The following WDR3 variants were observed in gnomAD, a reference collection of about 807,000 sequenced individuals.
WDR3 encodes WD repeat-containing protein 3.
In WDR3, 81 loss-of-function variants were observed where a neutral mutation model predicts 123.7. That is an observed-to-expected ratio of 0.65 (90% CI 0.55 to 0.79). The LOEUF (loss-of-function observed/expected upper bound fraction) is 0.79, where lower values mean the gene tolerates loss of function less well. Ranked by LOEUF, WDR3 falls within the 30% of genes least tolerant of loss-of-function variation. The pLI, the probability that WDR3 is intolerant of heterozygous loss-of-function variation, is 0.00. For synonymous variants in WDR3, 390 were observed against 388.8 expected (o/e 1.00, Z -0.04); for missense variants, 1,027 against 1,123.2 (o/e 0.91, Z 1.22).
At chr1:117,948,847 T>TG (rs1651502591) in intron 13 of WDR3, among the ~76,000 whole-genome samples, 1 of 152,194 alleles carries the variant, frequency 6.6e-6, no homozygotes, top group Non-Finnish European at 1.5e-5. Context: ...CAAACATCTA[T>TG]GACTGTATAA....
chr1:117,943,775 A>G, intron 11 of WDR3, 149 bp downstream of exon 11: 2 of 718,180 alleles, frequency 2.8e-6, no homozygotes, highest in Non-Finnish European at 4.4e-6. Context: ...GAGCTTAGAG[A>G]AGAAAAAGTT....
intron 4 of WDR3, among the ~76,000 whole-genome samples, chr1:117,938,099 G>C (rs1386397966): frequency 1.3e-5 from 2 of 152,188 alleles, no homozygotes; most frequent in African/African-American, 4.8e-5. Flanking sequence ...TTCAGGACAA[G>C]AGACTAACTG....
rs2101372978 is a variant in WDR3 at position 117,961,770 on chromosome 1, A to G, written c.*2323A>G. The G allele has an allele frequency of 6.6e-6, 1 of 152,454 alleles. No homozygotes were observed. The highest frequency in any genetic ancestry group is 1.5e-5 in the Non-Finnish European group (1 of 68,030). 9.4% of individuals were successfully genotyped at this position (152,454 alleles called of 1,614,324 possible). A position where few individuals can be genotyped will look rare whatever the true frequency, so the allele number is the denominator to read the frequency against. ...TTTGTTGGGCAGAATAAATAAGTGA[A>G]TTTTGGCATAGAGTTTCTGAAGGCA... On this transcript the variant is annotated 3_prime_UTR_variant, in exon 27 of 27. Transcript: ENST00000349139.
chr1:117,949,658 A>G (rs1651530134), intron 13 of WDR3, 93 bp from the exon 14 acceptor site: 2 of 1,399,728 alleles, frequency 1.4e-6, no homozygotes, highest in Admixed American at 4.5e-5. Context: ...ATGACGTTAA[A>G]TAAAAATACT....
intron 16 of WDR3, 93 bp from the exon 17 acceptor site, chr1:117,951,883 G>T: frequency 8.2e-7 from 1 of 1,218,704 alleles, no homozygotes; most frequent in East Asian, 2.4e-5. Flanking sequence ...ATTTTAATGT[G>T]TTTGAAAGAA....
intron 11 of WDR3, 35 bp from the exon 12 acceptor site, chr1:117,946,051 C>A: frequency 6.4e-7 from 1 of 1,552,746 alleles, no homozygotes; most frequent in South Asian, 1.2e-5. Context: ...TGCAGATTCT[C>A]TTAACATGAG....
At chr1:117,942,066 A>G (rs1056176368) in intron 9 of WDR3, among the ~76,000 whole-genome samples, 3 of 152,196 alleles carry the variant, frequency 2.0e-5, no homozygotes, top group Non-Finnish European at 2.9e-5. Context: ...TTTATTTAAC[A>G]TGGTTGGATT....
chr1:117,941,886 C>T, intron 9 of WDR3, 39 bp downstream of exon 9: 1 of 1,551,296 alleles, frequency 6.4e-7, no homozygotes, highest in Non-Finnish European at 8.6e-7. Flanking sequence ...ATGAAGTATC[C>T]TGGGTAGGCC....
intron 12 of WDR3, 86 bp downstream of exon 12, chr1:117,946,265 ATTGG>A: frequency 1.9e-6 from 2 of 1,062,190 alleles, no homozygotes; most frequent in South Asian, 3.6e-5. Flanking sequence ...TTTTTAGCAT[ATTGG>A]AAATGGACTG....
Position 117,933,401 on chromosome 1 carries a change from T to C in WDR3, c.82T>C (p.Phe28Leu), listed in dbSNP as rs577416193. Residue 28 changes from phenylalanine to leucine, a missense_variant, in exon 2 of 27, where the codon TTT becomes CTT. Physicochemically the swap from Phe to Leu is conservative, Grantham distance 22. Transcript: ENST00000349139. The part of the protein sequence containing the change: ...VIGSQKGNIV[F>L]VTLRGEKGRY... ...CGGCAGCCAAAAAGGTAATATTGTC[T>C]TTGTGACACTTCGTGGTGAGAAAGG... is the stretch of plus-strand genomic sequence containing the variant. 2.5e-6 allele frequency: 4 copies of C among 1,614,202 alleles called. No individual in the cohort carries two copies. The South Asian group carries it at 3.3e-5, about 13-fold the overall frequency.
chr1:117,958,058 C>T (rs575546793), intron 25 of WDR3, among the ~76,000 whole-genome samples: 15 of 152,288 alleles, frequency 9.8e-5, no homozygotes, highest in Non-Finnish European at 1.9e-4. Flanking sequence ...CATTCTCAAG[C>T]GGTTACAGCA....
In WDR3 at chr1:117,949,846, C is replaced by T; in HGVS notation, c.1610+10C>T. 5 of 1,613,200 alleles carry T rather than the reference C, an allele frequency of 3.1e-6. No individual in the cohort carries two copies. The highest frequency in any genetic ancestry group is 3.4e-6 in the Non-Finnish European group (4 of 1,179,610). ...ATAGTACCCAAAAGAGGTGAGTAGA[C>T]ATTTTTTGTGTCCATTTTTTGGAGT... On this transcript the variant is annotated intron_variant, in intron 14 of 26. Coordinates refer to ENST00000349139, the MANE Select transcript of WDR3 (RefSeq NM_006784.3).
In WDR3 at chr1:117,954,116, G is replaced by C; in HGVS notation, c.2361+17G>C. ...GGGAAAGAGGTAATAAGAGAGTACA[G>C]TAAGTTACAGTATCAATAAAGGGAA... On this transcript the variant is annotated intron_variant, in intron 22 of 26. Transcript: ENST00000349139. 6.3e-7 allele frequency: 1 copy of C among 1,585,598 alleles called. No individual in the cohort carries two copies. The highest frequency in any genetic ancestry group is 1.8e-5 in the Admixed American group (1 of 55,806).
rs1653394598 is a variant in WDR3, at chr1:117,963,546, AG to A, written c.*4100del. The A allele has an allele frequency of 4.3e-6, 1 of 232,332 alleles. No individual in the cohort carries two copies. The highest frequency in any genetic ancestry group is 8.7e-6 in the Non-Finnish European group (1 of 114,458). The allele number at this position is 232,332 out of a possible 1,614,324, so 14.4% of individuals were successfully genotyped here. A position where few individuals can be genotyped will look rare whatever the true frequency, so the allele number is the denominator to read the frequency against. ...ACTTGGCTGATTTTTTCTATTGTTT[AG>A]TAGAGACGGGGTTTCACCAAGTTAG... On this transcript the variant is annotated 3_prime_UTR_variant, in exon 27 of 27. Transcript: ENST00000349139.
chr1:117,940,990 T>C lies in WDR3; in HGVS notation c.789+50T>C, dbSNP rs765615873. Reference sequence around the variant, plus strand: ...TTAATTGTGTTGAATAATGGGAAAGTAAGAATTGCAGATTTTTAGGGAATC... The same window carrying C: ...TTAATTGTGTTGAATAATGGGAAAGCAAGAATTGCAGATTTTTAGGGAATC... On this transcript the variant is annotated intron_variant, in intron 7 of 26. Coordinates refer to ENST00000349139, the MANE Select transcript of WDR3 (RefSeq NM_006784.3). 8.8e-6 allele frequency: 14 copies of C among 1,584,412 alleles called. No individual in the cohort carries two copies. The South Asian group carries it at 1.6e-4, about 18-fold the overall frequency.
chr1:117,953,333 A>T, intron 20 of WDR3, 143 bp from the exon 21 acceptor site: 1 of 818,452 alleles, frequency 1.2e-6, no homozygotes, highest in Non-Finnish European at 2.0e-6. Flanking sequence ...ACATATGCTA[A>T]GTTCTGTTAC....
chr1:117,955,014 TTATC>T lies in WDR3; in HGVS notation c.2410-298_2410-295del, dbSNP rs565311581. ...GGAAGAGTGATGGGAGAATGTATGT[TTATC>T]TAGTAATCTCTAATTAGTATTTTAT... On this transcript the variant is annotated intron_variant, in intron 23 of 26. Transcript: ENST00000349139. The T allele has an allele frequency of 3.7e-4, 145 of 388,128 alleles. 1 individual carries two copies. The highest frequency in any genetic ancestry group is 2.1e-3 in the African/African-American group (99 of 48,184). The allele number at this position is 388,128 out of a possible 1,614,324, so 24.0% of individuals were successfully genotyped here.
chr1:117,952,179 A>T, intron 17 of WDR3, 103 bp downstream of exon 17: 2 of 1,468,660 alleles, frequency 1.4e-6, no homozygotes, highest in Non-Finnish European at 1.9e-6. Flanking sequence ...CAGTGATACA[A>T]GTTCTAAAAT....
intron 16 of WDR3, among the ~76,000 whole-genome samples, chr1:117,951,508 C>T (rs200158239): frequency 7.0e-5 from 9 of 128,796 alleles, no homozygotes; most frequent in East Asian, 2.2e-4. Context: ...AAATGTATTT[C>T]TTTTTTTTTT....
Sources: gnomAD v4.1 joint callset for allele counts (sites outside exome capture counted in the v4.1 genomes callset) on GRCh38, gnomAD v4.1.1 for gene constraint, MANE v1.5 for transcripts, NCBI Gene and HGNC (gene_info 2026-07-23, HGNC 2026-07-21) for gene names.